FAM184B: variants seen among roughly 807,000 people sequenced by gnomAD.
The protein encoded by FAM184B is family with sequence similarity 184 member B, also known as protein FAM184B.
FAM184B carries 111 observed loss-of-function variants against 135.9 expected under a neutral mutation model. The ratio of observed to expected loss-of-function variants is 0.82; its 90% CI spans 0.70 to 0.96. FAM184B has a LOEUF of 0.96. Among genes scored for constraint, FAM184B ranks in the 40% least tolerant of loss-of-function variants. The probability of loss-of-function intolerance (pLI) is 0.00; values close to 1 mark genes in which losing one functional copy is unlikely to be tolerated. For synonymous variants in FAM184B, 552 were observed against 524.8 expected (o/e 1.05, Z -0.71); for missense variants, 1,375 against 1,323.9 (o/e 1.04, Z -0.60).
At chr4:17,646,607 C>T (rs1311777207) in intron 12 of FAM184B, among the ~76,000 whole-genome samples, 1 of 152,092 alleles carries the variant, frequency 6.6e-6, no homozygotes, top group Non-Finnish European at 1.5e-5. Context: ...GGAGGGATAG[C>T]ATTAGGAGAT....
chr4:17,776,692 A>G (rs1476854766), intron 1 of FAM184B, among the ~76,000 whole-genome samples: 1 of 152,176 alleles, frequency 6.6e-6, no homozygotes, highest in Admixed American at 6.5e-5. Context: ...GTGCCCGGCC[A>G]GTTAACACAG....
intron 1 of FAM184B, among the ~76,000 whole-genome samples, chr4:17,727,070 A>C (rs1717659116): frequency 6.6e-6 from 1 of 152,292 alleles, no homozygotes; most frequent in Middle Eastern, 3.4e-3. Flanking sequence ...ACACACATAG[A>C]TTCTGTGTCA....
At chr4:17,653,333 G>C (rs1560168512) in intron 10 of FAM184B, among the ~76,000 whole-genome samples, 1 of 152,198 alleles carries the variant, frequency 6.6e-6, no homozygotes, top group Non-Finnish European at 1.5e-5. Flanking sequence ...ATACTCAGGA[G>C]CACTAAGGTA....
rs576133264 is a variant in FAM184B at position 17,733,607 on chromosome 4, G to A, written c.142-23963C>T. On this transcript the variant is annotated intron_variant, in intron 1 of 17. Coordinates refer to ENST00000265018, the MANE Select transcript of FAM184B (RefSeq NM_015688.2). ...GCTTCAAAGAGAATAAAATACCTAGGAACCCAATTTACAAGGGATGTGAAG... is the reference window on the plus strand; with the variant it reads ...GCTTCAAAGAGAATAAAATACCTAGAAACCCAATTTACAAGGGATGTGAAG... 1.1e-4 allele frequency among the ~76,000 whole-genome samples: 17 copies of A among 152,184 alleles called. No individual in the cohort carries two copies. The South Asian group carries it at 3.1e-3, about 28-fold the overall frequency.
At chr4:17,704,753 A>G (rs974674212) in intron 5 of FAM184B, among the ~76,000 whole-genome samples, 1 of 152,204 alleles carries the variant, frequency 6.6e-6, no homozygotes, top group Non-Finnish European at 1.5e-5. Context: ...CAATGACTCC[A>G]GGCCTATAGG....
At chr4:17,720,899 A>G (rs1434835939) in intron 1 of FAM184B, among the ~76,000 whole-genome samples, 69 of 151,320 alleles carry the variant, frequency 4.6e-4, no homozygotes, top group Admixed American at 8.6e-4. Flanking sequence ...AAAAAAAAAA[A>G]AAAGAAAGAA....
In FAM184B at chr4:17,733,287, T is replaced by C. The variant is rs567372301; in HGVS notation, c.142-23643A>G. On this transcript the variant is annotated intron_variant, in intron 1 of 17. Transcript: ENST00000265018. ...TTTGAAAACTGGCACAAGACAGGGATGCCCTCTCTCACCACTACTATTCAA... is the reference window on the plus strand; with the variant it reads ...TTTGAAAACTGGCACAAGACAGGGACGCCCTCTCTCACCACTACTATTCAA... Among the ~76,000 whole-genome samples the C allele has an allele frequency of 8.9e-3, 1,360 of 152,310 alleles. 20 individuals carry two copies. The highest frequency in any genetic ancestry group is 0.031 in the African/African-American group (1,302 of 41,550).
intron 15 of FAM184B, among the ~76,000 whole-genome samples, chr4:17,635,972 C>G (rs192890815): frequency 6.6e-6 from 1 of 152,266 alleles, no homozygotes; most frequent in East Asian, 1.9e-4. Flanking sequence ...TATAGATTTT[C>G]TCAAATTCTG....
At chr4:17,765,736 C>T (rs1012962987) in intron 1 of FAM184B, among the ~76,000 whole-genome samples, 4 of 152,160 alleles carry the variant, frequency 2.6e-5, no homozygotes, top group African/African-American at 4.8e-5. Context: ...GGTTCTTGGT[C>T]TCACTGACTT....
At chr4:17,721,889 G>A (rs564379687) in intron 1 of FAM184B, among the ~76,000 whole-genome samples, 56 of 152,352 alleles carry the variant, frequency 3.7e-4, no homozygotes, top group African/African-American at 1.3e-3. Context: ...TGTGTTCCAC[G>A]CAGGAAGTTT....
chr4:17,720,049 T>C (rs549880442), intron 1 of FAM184B, among the ~76,000 whole-genome samples: 2 of 152,328 alleles, frequency 1.3e-5, no homozygotes, highest in East Asian at 3.9e-4. Flanking sequence ...CTCCCATCCT[T>C]CACATAGGAA....
intron 9 of FAM184B, 113 bp downstream of exon 9, chr4:17,659,844 TG>T: frequency 2.9e-6 from 4 of 1,373,918 alleles, no homozygotes; most frequent in Middle Eastern, 2.6e-4. Context: ...GCCCTGGTCC[TG>T]TAATGCCTTC....
chr4:17,709,492 T>TA lies in FAM184B; in HGVS notation c.293dup (p.Gln99ThrfsTer23). 6.5e-7 allele frequency: 1 copy of TA among 1,550,040 alleles called. No homozygotes were observed. Among genetic ancestry groups the TA allele is most frequent in the Non-Finnish European group, 8.7e-7 (1 of 1,146,264 alleles). On this transcript the variant is annotated frameshift_variant, in exon 2 of 18. Transcript: ENST00000265018. LOFTEE classifies it high-confidence loss of function. ...CGCTCTCCAGGGCCTGGATGCGCTG[T>TA]AGAAGGGCTTCCTCCTCTGCGCAGC... is the stretch of plus-strand genomic sequence containing the variant.
chr4:17,756,024 A>G lies in FAM184B; in HGVS notation c.141+25135T>C, dbSNP rs192659610. ...ACCATGGCACATGTTTACCTGTGTA[A>G]CAAACCTGCAAATCCTGCACATGTA... On this transcript the variant is annotated intron_variant, in intron 1 of 17. Coordinates refer to ENST00000265018, the MANE Select transcript of FAM184B (RefSeq NM_015688.2). 2.9e-4 allele frequency among the ~76,000 whole-genome samples: 44 copies of G among 152,338 alleles called. No individual in the cohort carries two copies. The East Asian group carries it at 8.1e-3, about 28-fold the overall frequency.
At chr4:17,779,506 A>G (rs901407641) in intron 1 of FAM184B, among the ~76,000 whole-genome samples, 9 of 152,200 alleles carry the variant, frequency 5.9e-5, no homozygotes, top group African/African-American at 2.2e-4. Context: ...TTGGCACATA[A>G]TAGGTGTGCC....
chr4:17,645,559 C>A (rs1308872317), intron 12 of FAM184B, among the ~76,000 whole-genome samples: 1 of 151,864 alleles, frequency 6.6e-6, no homozygotes, highest in African/African-American at 2.4e-5. Flanking sequence ...TTCCTTACAC[C>A]TTATACAAAA....
At chr4:17,642,005 C>T in intron 13 of FAM184B, 51 bp downstream of exon 13, 20 of 756,924 alleles carry the variant, frequency 2.6e-5, no homozygotes, top group South Asian at 3.5e-5. Context: ...GGGGGGGTGG[C>T]GGGGTAGGGG....
At chr4:17,649,155 T>C (rs1477846945) in intron 11 of FAM184B, among the ~76,000 whole-genome samples, 1 of 152,210 alleles carries the variant, frequency 6.6e-6, no homozygotes, top group African/African-American at 2.4e-5. Context: ...AATAAACAAA[T>C]GATCTTTAGA....
chr4:17,752,594 C>T (rs1718328509), intron 1 of FAM184B, among the ~76,000 whole-genome samples: 3 of 152,082 alleles, frequency 2.0e-5, no homozygotes, highest in Admixed American at 1.3e-4. Flanking sequence ...TTTCATGGAC[C>T]GTGAGGGCAG....
Sources: allele counts gnomAD v4.1 joint callset (sites outside exome capture counted in the v4.1 genomes callset), GRCh38; gene constraint gnomAD v4.1.1; transcripts MANE v1.5; gene names NCBI Gene and HGNC (gene_info 2026-07-23, HGNC 2026-07-21).